CDK14: variants seen among roughly 807,000 people sequenced by gnomAD.
The protein encoded by CDK14 is cyclin-dependent kinase 14.
CDK14 carries 34 observed loss-of-function variants against 60.7 expected under a neutral mutation model. That is an observed-to-expected ratio of 0.56 (90% CI 0.43 to 0.75). CDK14 has a LOEUF of 0.75. Among genes scored for constraint, CDK14 ranks in the 30% least tolerant of loss-of-function variants. The pLI is 0.00. For synonymous variants in CDK14, 197 were observed against 203.7 expected, an observed-to-expected ratio of 0.97 and a Z score of 0.28; for missense variants, 482 against 564.1, an observed-to-expected ratio of 0.85 and a Z score of 1.47.
chr7:90,820,808 T>G (rs934698825), intron 5 of CDK14, among the ~76,000 whole-genome samples: 2 of 152,202 alleles, frequency 1.3e-5, no homozygotes, highest in Non-Finnish European at 2.9e-5. Context: ...CTGGTGCTAG[T>G]ATCTCCAACT....
intron 12 of CDK14, among the ~76,000 whole-genome samples, chr7:91,082,452 A>C (rs568606736): frequency 6.6e-6 from 1 of 152,314 alleles, no homozygotes; most frequent in South Asian, 2.1e-4. Context: ...GGTTCTGCTT[A>C]TCCTCTCTTA....
intron 4 of CDK14, among the ~76,000 whole-genome samples, chr7:90,788,478 G>T (rs187989750): frequency 6.6e-6 from 1 of 152,154 alleles, no homozygotes; most frequent in Non-Finnish European, 1.5e-5. Flanking sequence ...AGAAGAAGTT[G>T]CAGAACAGAA....
intron 14 of CDK14, among the ~76,000 whole-genome samples, chr7:91,158,421 T>C (rs1400894280): frequency 1.3e-5 from 2 of 151,948 alleles, no homozygotes. Context: ...TTTGCCGTGT[T>C]TCTCAAGCTA....
At chr7:91,113,054 A>G (rs1341689423) in intron 13 of CDK14, among the ~76,000 whole-genome samples, 1 of 152,240 alleles carries the variant, frequency 6.6e-6, no homozygotes, top group Non-Finnish European at 1.5e-5. Flanking sequence ...CTGAACAGTC[A>G]TAAAGGAAAA....
intron 8 of CDK14, among the ~76,000 whole-genome samples, chr7:90,931,024 T>G (rs1793576824): frequency 6.6e-6 from 1 of 152,222 alleles, no homozygotes; most frequent in Non-Finnish European, 1.5e-5. Flanking sequence ...TTCAAGTAGT[T>G]CTGATTTTTA....
chr7:91,177,238 A>G (rs1272994688), intron 14 of CDK14, among the ~76,000 whole-genome samples: 7 of 146,480 alleles, frequency 4.8e-5, no homozygotes, highest in East Asian at 2.0e-4. Flanking sequence ...ATGCAGAAAA[A>G]GCCTTTGACA....
intron 2 of CDK14, among the ~76,000 whole-genome samples, chr7:90,675,547 A>G (rs1310596439): frequency 1.3e-5 from 2 of 152,228 alleles, no homozygotes; most frequent in African/African-American, 2.4e-5. Flanking sequence ...ACTTTTAAAT[A>G]ACCAGCCAAC....
intron 9 of CDK14, among the ~76,000 whole-genome samples, chr7:90,963,651 C>T (rs1054381682): frequency 3.4e-5 from 5 of 146,380 alleles, no homozygotes; most frequent in South Asian, 2.2e-4. Flanking sequence ...AAATTATGTG[C>T]GTATTGAGGG....
At chr7:90,660,849 A>C (rs1024955095) in intron 2 of CDK14, among the ~76,000 whole-genome samples, 1 of 152,142 alleles carries the variant, frequency 6.6e-6, no homozygotes, top group Non-Finnish European at 1.5e-5. Flanking sequence ...AAGTGTGACT[A>C]TTTGGCCCTC....
At chr7:91,201,416 T>C (rs941659139) in intron 14 of CDK14, among the ~76,000 whole-genome samples, 1 of 152,186 alleles carries the variant, frequency 6.6e-6, no homozygotes, top group Non-Finnish European at 1.5e-5. Context: ...CTACAGTTGT[T>C]TTAATTTGGA....
intron 8 of CDK14, among the ~76,000 whole-genome samples, chr7:90,953,468 T>C (rs1794320380): frequency 6.6e-6 from 1 of 152,200 alleles, no homozygotes; most frequent in Non-Finnish European, 1.5e-5. Context: ...TTTCTATTTG[T>C]AGTTTCCAAA....
rs866403917 is a variant in CDK14 at position 90,705,599 on chromosome 7, A to C, written c.124-20968A>C. Among the ~76,000 whole-genome samples the C allele has an allele frequency of 2.0e-5, 3 of 150,326 alleles. No homozygotes were observed. The South Asian group carries it at 6.4e-4, about 32-fold the overall frequency. ...GGAGAAAGTTCATGGTTCTGCTTTG[A>C]ACCCACCTGTTGACTCGAGCCATTC... On this transcript the variant is annotated intron_variant, in intron 2 of 14. Coordinates refer to ENST00000380050, the MANE Select transcript of CDK14 (RefSeq NM_001287135.2).
At chr7:90,671,451 A>G (rs1801096802) in intron 2 of CDK14, among the ~76,000 whole-genome samples, 1 of 152,206 alleles carries the variant, frequency 6.6e-6, no homozygotes, top group South Asian at 2.1e-4. Flanking sequence ...AAACAAAACT[A>G]AAGAAAGAAT....
rs1800922884 is a variant in CDK14, at chr7:90,664,141, C to T, written c.123+59892C>T. On this transcript the variant is annotated intron_variant, in intron 2 of 14. Coordinates refer to ENST00000380050, the MANE Select transcript of CDK14 (RefSeq NM_001287135.2). ...AAAGTGGGCAAAGGATATGAACAGA[C>T]ACTTCTCAAAAGAGGACATTTATGC... Among the ~76,000 whole-genome samples the T allele has an allele frequency of 2.0e-5, 3 of 152,310 alleles. No individual in the cohort carries two copies. In the South Asian group the frequency reaches 6.2e-4, roughly 32 times the overall value.
intron 8 of CDK14, among the ~76,000 whole-genome samples, chr7:90,926,206 G>A (rs1793410450): frequency 6.6e-6 from 1 of 152,100 alleles, no homozygotes; most frequent in Non-Finnish European, 1.5e-5. Context: ...TGTTCAGGTC[G>A]AAGTAAGCCA....
intron 5 of CDK14, among the ~76,000 whole-genome samples, chr7:90,832,315 G>T (rs1008313680): frequency 6.6e-6 from 1 of 152,092 alleles, no homozygotes; most frequent in Non-Finnish European, 1.5e-5. Flanking sequence ...TCTTCTGTAG[G>T]AGTAGAAGGA....
intron 11 of CDK14, among the ~76,000 whole-genome samples, chr7:91,072,152 C>T (rs527427750): frequency 8.4e-4 from 128 of 152,290 alleles, no homozygotes; most frequent in Non-Finnish European, 1.3e-3. Context: ...CACACCCCCT[C>T]CACCAAGGGA....
intron 2 of CDK14, among the ~76,000 whole-genome samples, chr7:90,713,228 C>T (rs1802128075): frequency 6.6e-6 from 1 of 152,070 alleles, no homozygotes; most frequent in African/African-American, 2.4e-5. Context: ...TTTTAGAAAG[C>T]CAAGTTAAGG....
intron 4 of CDK14, among the ~76,000 whole-genome samples, chr7:90,760,181 G>A (rs754921703): frequency 1.3e-5 from 2 of 152,156 alleles, no homozygotes; most frequent in Admixed American, 6.5e-5. Flanking sequence ...AGTTCAAAGA[G>A]CTCTTCAAAA....
Sources: gnomAD v4.1 joint callset for allele counts (sites outside exome capture counted in the v4.1 genomes callset) on GRCh38, gnomAD v4.1.1 for gene constraint, MANE v1.5 for transcripts, NCBI Gene and HGNC (gene_info 2026-07-23, HGNC 2026-07-21) for gene names.